The following MGAT5 variants were observed in gnomAD, a reference collection of about 807,000 sequenced individuals.
MGAT5 encodes the protein alpha-1,6-mannosylglycoprotein 6-beta-N-acetylglucosaminyltransferase A.
In MGAT5, 30 loss-of-function variants were observed where a neutral mutation model predicts 94.3. The observed-to-expected ratio is 0.32, with a 90% confidence interval of 0.24 to 0.43. MGAT5 has a LOEUF of 0.43. Among genes scored for constraint, MGAT5 ranks in the 20% least tolerant of loss-of-function variants. The pLI, the probability that MGAT5 is intolerant of heterozygous loss-of-function variation, is 1.00. For synonymous variants in MGAT5, 310 were observed against 322.9 expected (o/e 0.96, Z 0.43); for missense variants, 691 against 905.5 (o/e 0.76, Z 3.04).
At chr2:134,159,963 G>A (rs760080837) in intron 1 of MGAT5, among the ~76,000 whole-genome samples, 13 of 152,134 alleles carry the variant, frequency 8.5e-5, no homozygotes, top group Non-Finnish European at 1.9e-4. Context: ...CTGAAAATGA[G>A]CTCTCTGGAG....
Position 134,412,861 on chromosome 2 carries a change from T to C in MGAT5, c.1531-8T>C, listed in dbSNP as rs1404320512. ...TGTTCATACGCTGTGTGGTTTTCTG[T>C]CTTACAGTTGTTTGTTGGACTTGGG... On this transcript the variant is annotated splice_polypyrimidine_tract_variant and splice_region_variant and intron_variant, in intron 11 of 15. Transcript: ENST00000281923. The C allele has an allele frequency of 6.2e-7, 1 of 1,614,018 alleles. No individual in the cohort carries two copies. The highest frequency in any genetic ancestry group is 1.1e-5 in the South Asian group (1 of 91,068).
chr2:134,431,710 A>G (rs1015160331), intron 14 of MGAT5, among the ~76,000 whole-genome samples: 2 of 152,212 alleles, frequency 1.3e-5, no homozygotes, highest in African/African-American at 4.8e-5. Context: ...TGTGATCTGC[A>G]AGGAGAACAC....
At chr2:134,236,241 A>T (rs1009816909) in intron 1 of MGAT5, among the ~76,000 whole-genome samples, 1 of 152,154 alleles carries the variant, frequency 6.6e-6, no homozygotes, top group African/African-American at 2.4e-5. Flanking sequence ...TGGTTCCAGG[A>T]ACTTCTTTTT....
rs1353785576 is a variant in MGAT5 at position 134,341,692 on chromosome 2, T to G, written c.910T>G (p.Leu304Val). ...TGGTGAATTAGTTCAATGGAGTGATTTAATTACATCTCTGTACTTACTGGG... is the reference window on the plus strand; with the variant it reads ...TGGTGAATTAGTTCAATGGAGTGATGTAATTACATCTCTGTACTTACTGGG... ...PLGELVQWSD[L>V]ITSLYLLGHD... Residue 304 changes from leucine to valine, a missense_variant, in exon 7 of 16, where the codon TTA (leucine) becomes GTA (valine). By Grantham distance (32) the Leu-to-Val change is conservative (BLOSUM62 1). This residue lies in a region of MGAT5 where 121 missense variants were observed against 206.1 expected (regional missense o/e 0.59). Coordinates refer to ENST00000281923, the MANE Select transcript of MGAT5 (RefSeq NM_002410.5). 1.1e-5 allele frequency: 18 copies of G among 1,613,542 alleles called. No individual in the cohort carries two copies. The highest frequency in any genetic ancestry group is 1.5e-5 in the Non-Finnish European group (18 of 1,179,632).
chr2:134,150,363 T>A (rs1408512127), intron 1 of MGAT5, among the ~76,000 whole-genome samples: 1 of 152,208 alleles, frequency 6.6e-6, no homozygotes. Context: ...AAGTTCTCCA[T>A]GTAAATTGTC....
In MGAT5 at chr2:134,403,017, C is replaced by T. The variant is rs780851832; in HGVS notation, c.1410C>T (p.His470=). 3.1e-6 allele frequency: 5 copies of T among 1,604,308 alleles called. No homozygotes were observed. In the African/African-American group the frequency reaches 6.7e-5, roughly 22 times the overall value. Reference sequence around the variant, plus strand: ...AGAAGATCTACTTGGACATTATTCACACATACATGGAAGTGCATGCAACTG... The same window carrying T: ...AGAAGATCTACTTGGACATTATTCATACATACATGGAAGTGCATGCAACTG... ...KNKKIYLDII[H]TYMEVHATVY... The change falls in exon 11 of 16, where the codon CAC becomes CAT. Residue 470 remains histidine (H), a synonymous_variant. Coordinates refer to ENST00000281923, the MANE Select transcript of MGAT5 (RefSeq NM_002410.5).
At chr2:134,224,393 A>G (rs966734722) in intron 1 of MGAT5, among the ~76,000 whole-genome samples, 1 of 152,174 alleles carries the variant, frequency 6.6e-6, no homozygotes, top group Non-Finnish European at 1.5e-5. Context: ...TTTATAAATG[A>G]GATTGGGATA....
intron 2 of MGAT5, among the ~76,000 whole-genome samples, chr2:134,272,225 A>G (rs924001852): frequency 1.3e-5 from 2 of 152,210 alleles, no homozygotes; most frequent in Middle Eastern, 3.2e-3. Flanking sequence ...AAGTCTGGAA[A>G]TATACCAGCC....
intron 13 of MGAT5, among the ~76,000 whole-genome samples, chr2:134,426,915 T>C (rs747438192): frequency 6.6e-6 from 1 of 152,178 alleles, no homozygotes; most frequent in Non-Finnish European, 1.5e-5. Context: ...TGCCATGATA[T>C]TACAGTATTT....
chr2:134,234,218 G>T (rs1458180128), intron 1 of MGAT5, among the ~76,000 whole-genome samples: 1 of 152,068 alleles, frequency 6.6e-6, no homozygotes, highest in African/African-American at 2.4e-5. Context: ...GGGGGCAGGG[G>T]TTGGTGGGAG....
chr2:134,423,415 C>T (rs1390798989), intron 13 of MGAT5, among the ~76,000 whole-genome samples: 1 of 152,160 alleles, frequency 6.6e-6, no homozygotes, highest in Admixed American at 6.6e-5. Flanking sequence ...AGGTACCTAC[C>T]ATACACAGAG....
intron 15 of MGAT5, among the ~76,000 whole-genome samples, chr2:134,442,776 G>A (rs951542284): frequency 1.3e-5 from 2 of 152,040 alleles, no homozygotes; most frequent in East Asian, 1.9e-4. Context: ...ACACCCCACC[G>A]TAGTCCACAT....
intron 1 of MGAT5, among the ~76,000 whole-genome samples, chr2:134,246,873 C>T (rs977684297): frequency 5.3e-5 from 8 of 152,336 alleles, no homozygotes; most frequent in African/African-American, 1.9e-4. Context: ...CAAAACCAGA[C>T]GTTGTCTTCC....
intron 1 of MGAT5, among the ~76,000 whole-genome samples, chr2:134,189,613 T>TTTTTTTTTGTTTTTA: frequency 8.1e-6 from 1 of 123,304 alleles, no homozygotes; most frequent in Non-Finnish European, 1.6e-5. Flanking sequence ...TTTTTTTTTT[T>TTTTTTTTTGTTTTTA]TTTTTTTAAG....
chr2:134,152,720 G>A (rs1687282471), intron 1 of MGAT5, among the ~76,000 whole-genome samples: 1 of 152,206 alleles, frequency 6.6e-6, no homozygotes, highest in South Asian at 2.1e-4. Context: ...AAATGTGACT[G>A]AGTTTATCTT....
intron 10 of MGAT5, among the ~76,000 whole-genome samples, chr2:134,398,442 A>C (rs1432229911): frequency 6.6e-6 from 1 of 152,182 alleles, no homozygotes; most frequent in African/African-American, 2.4e-5. Context: ...GAGCTGCAGA[A>C]TTTTTTAATG....
upstream of MGAT5, among the ~76,000 whole-genome samples, chr2:134,250,862 G>T (rs959582535): frequency 2.6e-5 from 4 of 152,148 alleles, no homozygotes; most frequent in Non-Finnish European, 4.4e-5. Context: ...TTGCGCCTCT[G>T]ATACACCATC....
intron 1 of MGAT5, among the ~76,000 whole-genome samples, chr2:134,235,550 G>A (rs954467130): frequency 7.9e-5 from 12 of 151,962 alleles, no homozygotes; most frequent in African/African-American, 1.5e-4. Flanking sequence ...CGACAGGGCC[G>A]GTAACACCAT....
At chr2:134,137,724 G>A (rs1349801165) in intron 1 of MGAT5, among the ~76,000 whole-genome samples, 2 of 151,898 alleles carry the variant, frequency 1.3e-5, no homozygotes, top group Admixed American at 1.3e-4. Context: ...GCTGAAGCTT[G>A]GACTAGAATA....
Sources: allele counts gnomAD v4.1 joint callset (sites outside exome capture counted in the v4.1 genomes callset), GRCh38; gene constraint gnomAD v4.1.1; regional missense constraint gnomAD v4.1.1; transcripts MANE v1.5; gene names NCBI Gene and HGNC (gene_info 2026-07-23, HGNC 2026-07-21).